Variants in MSL2 observed in about 807,000 individuals in gnomAD.
MSL2 encodes the protein MSL complex subunit 2, also known as E3 ubiquitin-protein ligase MSL2.
In MSL2, 2 loss-of-function variants were observed where a neutral mutation model predicts 35.8. The ratio of observed to expected loss-of-function variants is 0.06; its 90% CI spans 0.02 to 0.18. MSL2 has a LOEUF of 0.18. Among genes scored for constraint, MSL2 ranks in the 10% least tolerant of loss-of-function variants. The probability of loss-of-function intolerance (pLI) is 1.00; values close to 1 mark genes in which losing one functional copy is unlikely to be tolerated. For missense variants in MSL2, 523 were observed against 706.7 expected (o/e 0.74, Z 2.95); for synonymous variants, 296 against 255.7 (o/e 1.16, Z -1.50).
chr3:136,180,796 G>GGAAGGAAGGAAGGAA (rs1559969247), intron 1 of MSL2, among the ~76,000 whole-genome samples: 2 of 42,812 alleles, frequency 4.7e-5, no homozygotes, highest in African/African-American at 1.8e-4. Context: ...GAGGGAGGGA[G>GGAAGGAAGGAAGGAA]GGAGGGAGGG....
chr3:136,170,940 A>G (rs1940007423), intron 1 of MSL2, among the ~76,000 whole-genome samples: 1 of 152,198 alleles, frequency 6.6e-6, no homozygotes, highest in African/African-American at 2.4e-5. Flanking sequence ...TGGGAGGGAA[A>G]AGAGGCCAAT....
chr3:136,172,646 A>G (rs1198326499), intron 1 of MSL2, among the ~76,000 whole-genome samples: 1 of 151,838 alleles, frequency 6.6e-6, no homozygotes, highest in African/African-American at 2.4e-5. Flanking sequence ...TAATTTTAGT[A>G]TTTCCCATGT....
intron 1 of MSL2, among the ~76,000 whole-genome samples, chr3:136,186,248 A>G (rs1339724949): frequency 6.6e-6 from 1 of 152,202 alleles, no homozygotes. Context: ...ACACCATTGT[A>G]TAACTGTCCC....
chr3:136,158,988 T>C (rs1355630759), intron 1 of MSL2, among the ~76,000 whole-genome samples: 1 of 152,218 alleles, frequency 6.6e-6, no homozygotes, highest in African/African-American at 2.4e-5. Flanking sequence ...ATTAGAAGAC[T>C]ACCAATATAT....
At chr3:136,156,248 C>G (rs1939517642) in intron 1 of MSL2, among the ~76,000 whole-genome samples, 1 of 152,076 alleles carries the variant, frequency 6.6e-6, no homozygotes, top group South Asian at 2.1e-4. Context: ...TGATCAAAAT[C>G]AAAGTAGTCT....
At chr3:136,189,108 CAAAAAAAAAAAAAAA>C (rs372715974) in intron 1 of MSL2, among the ~76,000 whole-genome samples, 4 of 38,608 alleles carry the variant, frequency 1.0e-4, no homozygotes, top group African/African-American at 4.0e-4. Context: ...CCTGTCTCTA[CAAAAAAAAAAAAAAA>C]AAAAAAAAAA....
intron 1 of MSL2, among the ~76,000 whole-genome samples, chr3:136,158,767 G>C (rs892552092): frequency 6.6e-6 from 1 of 152,116 alleles, no homozygotes; most frequent in African/African-American, 2.4e-5. Context: ...ATTTAGCAAG[G>C]TCATAGCACA....
At chr3:136,179,996 C>A (rs1343766357) in intron 1 of MSL2, among the ~76,000 whole-genome samples, 7 of 152,016 alleles carry the variant, frequency 4.6e-5, no homozygotes, top group African/African-American at 1.7e-4. Context: ...ACCCAGGAGG[C>A]AGAGGTTGCA....
chr3:136,166,469 A>G (rs1939858588), intron 1 of MSL2, among the ~76,000 whole-genome samples: 1 of 152,094 alleles, frequency 6.6e-6, no homozygotes, highest in African/African-American at 2.4e-5. Flanking sequence ...GTTAAGTAAT[A>G]TTTTTTTGAA....
In MSL2 at chr3:136,195,085, T is replaced by A. The variant is rs1423874384; in HGVS notation, c.29A>T (p.Tyr10Phe). 1.2e-6 allele frequency: 2 copies of A among 1,612,928 alleles called. No individual in the cohort carries two copies. Among genetic ancestry groups the A allele is most frequent in the Non-Finnish European group, 1.7e-6 (2 of 1,179,714 alleles). The stretch of plus-strand genomic sequence containing the variant: ...GAGCACTAGGCGGCTCGCGGAAATG[T>A]AGAGAGCAGTAGCATTCACGGGGTT... Reference protein sequence around the residue: MNPVNATALYISASRLVLNY... With the variant: MNPVNATALFISASRLVLNY... Residue 10 changes from tyrosine to phenylalanine, a missense_variant, in exon 1 of 2, where the codon TAC becomes TTC. This residue lies in a region of MSL2 where 45 missense variants were observed against 47.5 expected (regional missense o/e 0.95). Transcript: ENST00000309993.
At chr3:136,161,568 A>T (rs9647335) in intron 1 of MSL2, among the ~76,000 whole-genome samples, 24,296 of 152,240 alleles carry the variant, frequency 0.16, 2,126 homozygotes, top group Middle Eastern at 0.25. Flanking sequence ...AACATGGATG[A>T]ACTTCCAAAA....
intron 1 of MSL2, among the ~76,000 whole-genome samples, chr3:136,177,331 T>C (rs767370843): frequency 5.3e-5 from 8 of 152,068 alleles, no homozygotes; most frequent in Admixed American, 1.3e-4. Flanking sequence ...GCATTTTAAT[T>C]AAAAACAAGA....
chr3:136,177,892 T>C (rs2108082756), intron 1 of MSL2, among the ~76,000 whole-genome samples: 1 of 152,250 alleles, frequency 6.6e-6, no homozygotes, highest in East Asian at 1.9e-4. Context: ...AAAATATAAA[T>C]GTCACTCAAG....
In MSL2 at chr3:136,191,038, G is replaced by A. The variant is rs184448506; in HGVS notation, c.142+3934C>T. On this transcript the variant is annotated intron_variant, in intron 1 of 1. Transcript: ENST00000309993. ...AACTGTAACTGCAATGAATAATCTA[G>A]GTTTGACAATAATTGACCTGATAGT... 2.5e-3 allele frequency among the ~76,000 whole-genome samples: 384 copies of A among 152,270 alleles called. 1 individual carries two copies. The highest frequency in any genetic ancestry group is 2.6e-3 in the Non-Finnish European group (178 of 68,018).
At chr3:136,159,561 G>A (rs1232791329) in intron 1 of MSL2, among the ~76,000 whole-genome samples, 30 of 147,044 alleles carry the variant, frequency 2.0e-4, no homozygotes, top group Admixed American at 1.4e-4. Context: ...TAGTAGAGAC[G>A]AGGTTTCACC....
chr3:136,159,653 A>G (rs1939645512), intron 1 of MSL2, among the ~76,000 whole-genome samples: 1 of 151,632 alleles, frequency 6.6e-6, no homozygotes, highest in Non-Finnish European at 1.5e-5. Flanking sequence ...TACAGGCGTG[A>G]GCCACCACGC....
At chr3:136,194,935 A>G in intron 1 of MSL2, 37 bp downstream of exon 1, 1 of 1,612,438 alleles carries the variant, frequency 6.2e-7, no homozygotes, top group East Asian at 2.2e-5. Flanking sequence ...GCTTTTAAAA[A>G]CAAGCATTGA....
At chr3:136,154,528 C>A (rs1338385540) in intron 1 of MSL2, among the ~76,000 whole-genome samples, 3 of 150,982 alleles carry the variant, frequency 2.0e-5, no homozygotes, top group Admixed American at 2.0e-4. Flanking sequence ...ATAAATCACA[C>A]AAAGAATATG....
rs191043384 is a variant in MSL2, at chr3:136,159,025, T to C, written c.143-6287A>G. Among the ~76,000 whole-genome samples, 320 of 152,306 alleles carry C rather than the reference T, an allele frequency of 2.1e-3. 3 individuals are homozygous for C. The highest frequency in any genetic ancestry group is 7.0e-3 in the African/African-American group (290 of 41,576). On this transcript the variant is annotated intron_variant, in intron 1 of 1. Coordinates refer to ENST00000309993, the MANE Select transcript of MSL2 (RefSeq NM_018133.4). ...GTCAAGATGGCAGTTTTCCCCAAAA[T>C]TGATGTGTCTGTAAGTTCAATGCAA...
Sources: gnomAD v4.1 joint callset for allele counts (sites outside exome capture counted in the v4.1 genomes callset) on GRCh38, gnomAD v4.1.1 for gene constraint, gnomAD v4.1.1 regional missense constraint, MANE v1.5 for transcripts, NCBI Gene and HGNC (gene_info 2026-07-23, HGNC 2026-07-21) for gene names.